EFCAB6: variants seen among roughly 807,000 people sequenced by gnomAD.
EFCAB6 encodes EF-hand calcium binding domain 6.
In EFCAB6, 156 loss-of-function variants were observed where a neutral mutation model predicts 169.8. The observed-to-expected ratio is 0.92, with a 90% confidence interval of 0.81 to 1.05. The LOEUF is 1.05. Ranked by LOEUF, EFCAB6 falls within the 50% of genes least tolerant of loss-of-function variation. The probability of loss-of-function intolerance (pLI) is 0.00; values close to 1 mark genes in which losing one functional copy is unlikely to be tolerated. For synonymous variants in EFCAB6, 698 were observed against 676.4 expected, an observed-to-expected ratio of 1.03 and a Z score of -0.50; for missense variants, 1,800 against 1,829.1, an observed-to-expected ratio of 0.98 and a Z score of 0.29.
chr22:43,750,082 A>G (rs1390855097), intron 6 of EFCAB6, among the ~76,000 whole-genome samples: 4 of 152,014 alleles, frequency 2.6e-5, no homozygotes, highest in Non-Finnish European at 5.9e-5. Flanking sequence ...TACCCCTACA[A>G]TCTTGCGTTT....
chr22:43,579,141 T>C (rs1458298846), intron 25 of EFCAB6, among the ~76,000 whole-genome samples: 3 of 150,096 alleles, frequency 2.0e-5, no homozygotes, highest in Admixed American at 6.6e-5. Flanking sequence ...CATCATTCTG[T>C]ACACGTAGGC....
At chr22:43,800,801 A>T (rs959377421) in intron 2 of EFCAB6, among the ~76,000 whole-genome samples, 2 of 152,226 alleles carry the variant, frequency 1.3e-5, no homozygotes, top group Non-Finnish European at 2.9e-5. Flanking sequence ...ATGAAAAAAA[A>T]GAATGAAAAG....
chr22:43,574,161 A>C (rs2050078091), intron 26 of EFCAB6, among the ~76,000 whole-genome samples: 1 of 152,200 alleles, frequency 6.6e-6, no homozygotes, highest in Non-Finnish European at 1.5e-5. Flanking sequence ...AATGCTTAAA[A>C]ATAAGGGAGT....
At chr22:43,699,445 T>C (rs68119341) in intron 10 of EFCAB6, among the ~76,000 whole-genome samples, 7,449 of 152,300 alleles carry the variant, frequency 0.049, 208 homozygotes, top group African/African-American at 0.055. Context: ...TTCGTATCCC[T>C]GAGATGCTTC....
intron 17 of EFCAB6, among the ~76,000 whole-genome samples, chr22:43,636,400 C>G (rs2055399642): frequency 1.3e-5 from 2 of 152,218 alleles, no homozygotes; most frequent in South Asian, 4.1e-4. Context: ...TGCGCAGCAC[C>G]CCTTAGTGCC....
chr22:43,659,123 C>T (rs144391485), intron 17 of EFCAB6, among the ~76,000 whole-genome samples: 2 of 152,316 alleles, frequency 1.3e-5, no homozygotes, highest in East Asian at 1.9e-4. Context: ...GAGAAAACTC[C>T]GTGAGGATTT....
chr22:43,783,429 C>A (rs2061901532), intron 2 of EFCAB6, among the ~76,000 whole-genome samples: 1 of 152,132 alleles, frequency 6.6e-6, no homozygotes. Context: ...TAACCTCTCA[C>A]CTCCAACTGA....
At chr22:43,784,690 C>T (rs1161494039) in intron 2 of EFCAB6, among the ~76,000 whole-genome samples, 25 of 119,658 alleles carry the variant, frequency 2.1e-4, no homozygotes, top group South Asian at 1.1e-3. Context: ...CACACACACA[C>T]ACACACACAC....
At position 43,683,835 on chromosome 22, in the gene EFCAB6, G is replaced by A; in HGVS notation, c.1163C>T (p.Ser388Phe). The change falls in exon 12 of 32, where the codon TCT (serine) becomes TTT (phenylalanine). Residue 388 changes from serine to phenylalanine, a missense_variant. Ser to Phe is a radical substitution (Grantham distance 155). Transcript: ENST00000262726. The stretch of plus-strand genomic sequence containing the variant: ...CTTTGTGATGATGTTTTCCTTGTGA[G>A]ATTCATTTCTAGAGTTGATGCTACA... ...KRNSINSRNE[S>F]HKENIITKLF... is the part of the protein sequence containing the mutation. The A allele has an allele frequency of 6.2e-7, 1 of 1,612,216 alleles. No homozygotes were observed. The highest frequency in any genetic ancestry group is 8.5e-7 in the Non-Finnish European group (1 of 1,178,300).
intron 18 of EFCAB6, 53 bp downstream of exon 18, chr22:43,635,049 T>C: frequency 6.9e-7 from 1 of 1,450,416 alleles, no homozygotes; most frequent in Non-Finnish European, 9.7e-7. Flanking sequence ...AGCAAAGACA[T>C]GCAGTGTCAC....
In EFCAB6 at chr22:43,678,168, G is replaced by A; in HGVS notation, c.1252-5C>T. ...TGTTATCGGTCCATCGGGTTTCTGA[G>A]CATCAGAGTGTATATAAGGGAATTT... On this transcript the variant is annotated splice_polypyrimidine_tract_variant and splice_region_variant and intron_variant, in intron 12 of 31. Transcript: ENST00000262726. The A allele has an allele frequency of 6.3e-7, 1 of 1,587,374 alleles. No individual in the cohort carries two copies. The highest frequency in any genetic ancestry group is 1.4e-5 in the African/African-American group (1 of 72,270).
chr22:43,652,366 G>C (rs1162501950), intron 17 of EFCAB6, among the ~76,000 whole-genome samples: 1 of 152,194 alleles, frequency 6.6e-6, no homozygotes, highest in East Asian at 1.9e-4. Flanking sequence ...CTTCCACCAT[G>C]ATTGTGAGGC....
intron 10 of EFCAB6, among the ~76,000 whole-genome samples, chr22:43,709,846 C>T (rs2059094665): frequency 6.6e-6 from 1 of 152,164 alleles, no homozygotes; most frequent in East Asian, 1.9e-4. Context: ...ACATTTACTC[C>T]TAGGGCCAAA....
chr22:43,705,723 A>C (rs1008986385), intron 10 of EFCAB6, among the ~76,000 whole-genome samples: 5 of 152,300 alleles, frequency 3.3e-5, no homozygotes, highest in African/African-American at 1.2e-4. Context: ...ATACTAAAAT[A>C]TGTGGGATGC....
At chr22:43,534,170 T>C (rs1032785172) in intron 30 of EFCAB6, among the ~76,000 whole-genome samples, 14 of 152,172 alleles carry the variant, frequency 9.2e-5, no homozygotes, top group African/African-American at 1.2e-4. Context: ...TGGGAGGTGA[T>C]TGGATCATGG....
chr22:43,558,535 T>C (rs1263238600), intron 26 of EFCAB6, among the ~76,000 whole-genome samples: 1 of 152,212 alleles, frequency 6.6e-6, no homozygotes, highest in Non-Finnish European at 1.5e-5. Flanking sequence ...TATGTGCTCA[T>C]ATCATGTCTC....
intron 2 of EFCAB6, among the ~76,000 whole-genome samples, chr22:43,791,948 G>A (rs188237079): frequency 1.4e-4 from 21 of 152,312 alleles, no homozygotes; most frequent in Admixed American, 8.5e-4. Context: ...AGAAAGAAGA[G>A]CCTCGCTGGT....
intron 4 of EFCAB6, among the ~76,000 whole-genome samples, chr22:43,771,361 C>T (rs891360490): frequency 1.3e-5 from 2 of 151,996 alleles, no homozygotes; most frequent in African/African-American, 4.8e-5. Context: ...ACTCTGGAGA[C>T]GGAGGTTGCA....
At chr22:43,662,289 C>T (rs1007818318) in intron 17 of EFCAB6, among the ~76,000 whole-genome samples, 3 of 152,032 alleles carry the variant, frequency 2.0e-5, no homozygotes, top group African/African-American at 7.3e-5. Context: ...GGACTTGGAT[C>T]TGGGGACCCA....
Sources: gnomAD v4.1 joint callset for allele counts (sites outside exome capture counted in the v4.1 genomes callset) on GRCh38, gnomAD v4.1.1 for gene constraint, MANE v1.5 for transcripts, NCBI Gene and HGNC (gene_info 2026-07-23, HGNC 2026-07-21) for gene names.